ZBTB49: variants seen among roughly 807,000 people sequenced by gnomAD.
ZBTB49 encodes the protein zinc finger and BTB domain-containing protein 49.
A neutral mutation model predicts 57.5 loss-of-function variants in ZBTB49; 43 were observed. The ratio of observed to expected loss-of-function variants is 0.75; its 90% CI spans 0.59 to 0.97. The LOEUF (loss-of-function observed/expected upper bound fraction) is 0.97. Among genes scored for constraint, ZBTB49 ranks in the 50% least tolerant of loss-of-function variants. The pLI, the probability that ZBTB49 is intolerant of heterozygous loss-of-function variation, is 0.00. For synonymous variants in ZBTB49, 369 were observed against 362.1 expected (o/e 1.02, Z -0.22); for missense variants, 938 against 947.7 (o/e 0.99, Z 0.13).
intron 1 of ZBTB49, among the ~76,000 whole-genome samples, chr4:4,295,627 T>G (rs943888251): frequency 1.3e-5 from 2 of 152,224 alleles, no homozygotes; most frequent in African/African-American, 4.8e-5. Flanking sequence ...GCCTTGAGGA[T>G]TCAGCACTGG....
chr4:4,305,055 A>G (rs532245250), intron 3 of ZBTB49, among the ~76,000 whole-genome samples: 7 of 152,168 alleles, frequency 4.6e-5, no homozygotes, highest in African/African-American at 1.7e-4. Context: ...TCAAATTCTT[A>G]TATTTCTTAT....
chr4:4,311,974 A>G (rs1341297468), intron 4 of ZBTB49, among the ~76,000 whole-genome samples: 5 of 152,202 alleles, frequency 3.3e-5, no homozygotes, highest in Non-Finnish European at 5.9e-5. Flanking sequence ...TCACAAGTCA[A>G]TATCAAACTC....
chr4:4,296,185 A>C (rs1720191733), intron 1 of ZBTB49, among the ~76,000 whole-genome samples: 2 of 152,226 alleles, frequency 1.3e-5, no homozygotes, highest in East Asian at 1.9e-4. Flanking sequence ...GAGTTGGCAG[A>C]CCACATTGCC....
chr4:4,292,204 C>T (rs1226888491), intron 1 of ZBTB49, among the ~76,000 whole-genome samples: 3 of 152,148 alleles, frequency 2.0e-5, no homozygotes, highest in Non-Finnish European at 2.9e-5. Context: ...TCGCTTGAAC[C>T]CAGGAGGTGG....
chr4:4,301,356 C>G (rs554910743), intron 2 of ZBTB49, among the ~76,000 whole-genome samples: 22 of 152,328 alleles, frequency 1.4e-4, no homozygotes, highest in Admixed American at 9.2e-4. Flanking sequence ...GTTTTTCTCA[C>G]TGTTGGTTTT....
At chr4:4,292,208 G>A (rs1453515410) in intron 1 of ZBTB49, among the ~76,000 whole-genome samples, 3 of 152,180 alleles carry the variant, frequency 2.0e-5, no homozygotes, top group Admixed American at 2.0e-4. Flanking sequence ...TTGAACCCAG[G>A]AGGTGGAGGT....
intron 1 of ZBTB49, among the ~76,000 whole-genome samples, chr4:4,299,450 T>C (rs138932881): frequency 2.4e-4 from 36 of 152,200 alleles, no homozygotes; most frequent in African/African-American, 8.4e-4. Context: ...TTGATAAATA[T>C]GGATTTGATC....
chr4:4,315,788 C>T (rs1192722959), intron 6 of ZBTB49, 21 bp from the exon 7 acceptor site: 6 of 1,613,960 alleles, frequency 3.7e-6, no homozygotes, highest in Non-Finnish European at 3.4e-6. Context: ...TTCAGCTTAA[C>T]ACCTGTTATG....
At position 4,302,638 on chromosome 4, in the gene ZBTB49, T is replaced by G. The variant is rs1476622986; in HGVS notation, c.802T>G (p.Ser268Ala). Residue 268 changes from serine (S) to alanine (A), a missense_variant, in exon 3 of 8, where the codon TCT becomes GCT. Physicochemically the swap from Ser to Ala is moderately conservative, Grantham distance 99 (BLOSUM62 1). Around this residue, in one of 3 missense-constraint regions of ZBTB49, gnomAD observed 835 missense variants for 819.1 expected, o/e 1.02. Coordinates refer to ENST00000337872, the MANE Select transcript of ZBTB49 (RefSeq NM_145291.4). Reference sequence around the variant, plus strand: ...CAGTCATTCTGAATGCATCCTGGAGTCTCCCGAGCACTTACCTTCCAACTT... The same window carrying G: ...CAGTCATTCTGAATGCATCCTGGAGGCTCCCGAGCACTTACCTTCCAACTT... Reference protein sequence around the residue: ...AVSHSECILESPEHLPSNFLA... With the variant: ...AVSHSECILEAPEHLPSNFLA... The G allele has an allele frequency of 6.2e-7, 1 of 1,611,076 alleles. No individual in the cohort carries two copies. Among genetic ancestry groups the G allele is most frequent in the East Asian group, 2.2e-5 (1 of 44,806 alleles).
chr4:4,306,051 G>T, intron 3 of ZBTB49, 87 bp from the exon 4 acceptor site: 5 of 1,059,734 alleles, frequency 4.7e-6, no homozygotes, highest in South Asian at 1.4e-5. Flanking sequence ...ATGCCATTTT[G>T]AAAGTACATA....
intron 1 of ZBTB49, among the ~76,000 whole-genome samples, chr4:4,293,033 C>G (rs1405728728): frequency 6.7e-6 from 1 of 149,712 alleles, no homozygotes; most frequent in East Asian, 2.2e-4. Flanking sequence ...GCTTTTAGAA[C>G]TAGGAAAAAA....
In ZBTB49 at chr4:4,320,681, C is replaced by G; in HGVS notation, c.1663C>G (p.Arg555Gly). Residue 555 changes from arginine to glycine, a missense_variant, in exon 8 of 8, where the codon CGC (arginine) becomes GGC (glycine). Coordinates refer to ENST00000337872, the MANE Select transcript of ZBTB49 (RefSeq NM_145291.4). ...ATCAGGTGACCTCCGCAGGCATGTCCGCACTCACACTGGGGAGAAGCCGTA... is the reference window on the plus strand; with the variant it reads ...ATCAGGTGACCTCCGCAGGCATGTCGGCACTCACACTGGGGAGAAGCCGTA... ...GGSGDLRRHV[R>G]THTGEKPYTC... 6.2e-7 allele frequency: 1 copy of G among 1,614,138 alleles called. No homozygotes were observed. The highest frequency in any genetic ancestry group is 8.5e-7 in the Non-Finnish European group (1 of 1,180,022).
chr4:4,301,069 G>A (rs1249931945), intron 2 of ZBTB49, among the ~76,000 whole-genome samples: 1 of 152,100 alleles, frequency 6.6e-6, no homozygotes, highest in African/African-American at 2.4e-5. Context: ...AGGAAAAATG[G>A]TCGCAAACTC....
chr4:4,314,703 A>G (rs1721114856), intron 5 of ZBTB49, among the ~76,000 whole-genome samples: 1 of 152,246 alleles, frequency 6.6e-6, no homozygotes, highest in Admixed American at 6.5e-5. Context: ...ACCTATATGC[A>G]GCGTCTTCCT....
At chr4:4,296,508 G>C (rs1293223357) in intron 1 of ZBTB49, among the ~76,000 whole-genome samples, 1 of 152,208 alleles carries the variant, frequency 6.6e-6, no homozygotes. Context: ...TGCCATCCAT[G>C]TAGGACATGA....
chr4:4,314,330 C>T (rs1012678523), intron 5 of ZBTB49, among the ~76,000 whole-genome samples: 1 of 152,192 alleles, frequency 6.6e-6, no homozygotes, highest in Non-Finnish European at 1.5e-5. Context: ...GAAATCTGAA[C>T]TTTCTGAATT....
chr4:4,307,684 C>T (rs953936235), intron 4 of ZBTB49, among the ~76,000 whole-genome samples: 2 of 152,078 alleles, frequency 1.3e-5, no homozygotes, highest in Non-Finnish European at 2.9e-5. Flanking sequence ...GGCACCTCCC[C>T]GCCCCCACCG....
chr4:4,295,137 A>T lies in ZBTB49; in HGVS notation c.-20+4785A>T, dbSNP rs192431200. 7.6e-3 allele frequency among the ~76,000 whole-genome samples: 1,164 copies of T among 152,306 alleles called. 11 individuals are homozygous for T. Among genetic ancestry groups the T allele is most frequent in the Non-Finnish European group, 0.01 (701 of 68,040 alleles). ...GGATGTTGTATTGATCCATTATCAC[A>T]CTGCTATAAAGTTGCTACCTGAGAC... On this transcript the variant is annotated intron_variant, in intron 1 of 7. Transcript: ENST00000337872.
chr4:4,293,410 A>G (rs1011435544), intron 1 of ZBTB49, among the ~76,000 whole-genome samples: 5 of 152,256 alleles, frequency 3.3e-5, no homozygotes, highest in African/African-American at 9.6e-5. Flanking sequence ...CTGAAGAGGC[A>G]GCTGATTCCG....
Sources: gnomAD v4.1 joint callset for allele counts (sites outside exome capture counted in the v4.1 genomes callset) on GRCh38, gnomAD v4.1.1 for gene constraint, gnomAD v4.1.1 regional missense constraint, MANE v1.5 for transcripts, NCBI Gene and HGNC (gene_info 2026-07-23, HGNC 2026-07-21) for gene names.